The following SPIRE1 variants were observed in gnomAD, a reference collection of about 807,000 sequenced individuals.
SPIRE1 encodes protein spire homolog 1.
In SPIRE1, 40 loss-of-function variants were observed where a neutral mutation model predicts 94.1. That is an observed-to-expected ratio of 0.43 (90% confidence interval 0.33 to 0.55). The LOEUF (loss-of-function observed/expected upper bound fraction) is 0.55, where lower values mean the gene tolerates loss of function less well. SPIRE1 is among the 20% of genes least tolerant of loss of function. The pLI is 0.06. For missense variants in SPIRE1, 838 were observed against 975.2 expected, an observed-to-expected ratio of 0.86 and a Z score of 1.87; for synonymous variants, 376 against 371.7, an observed-to-expected ratio of 1.01 and a Z score of -0.13.
intron 1 of SPIRE1, among the ~76,000 whole-genome samples, chr18:12,649,010 A>G (rs974776867): frequency 1.3e-5 from 2 of 152,106 alleles, no homozygotes; most frequent in Admixed American, 1.3e-4. Context: ...TTTGACAAAT[A>G]TACCACAAGA....
At chr18:12,602,165 T>C (rs1235094100) in intron 2 of SPIRE1, among the ~76,000 whole-genome samples, 3 of 152,286 alleles carry the variant, frequency 2.0e-5, no homozygotes, top group Non-Finnish European at 4.4e-5. Flanking sequence ...AGTTACTTTT[T>C]GTTGCTTGTA....
intron 4 of SPIRE1, among the ~76,000 whole-genome samples, chr18:12,532,449 C>T (rs1035101234): frequency 2.6e-5 from 4 of 152,136 alleles, no homozygotes; most frequent in African/African-American, 9.7e-5. Flanking sequence ...ACTATGCTTC[C>T]ACCCCAATTT....
chr18:12,552,293 A>G (rs188658884), intron 2 of SPIRE1, among the ~76,000 whole-genome samples: 4 of 152,304 alleles, frequency 2.6e-5, no homozygotes, highest in Admixed American at 6.5e-5. Context: ...TACATGACCT[A>G]CTGAGACACC....
In SPIRE1 at chr18:12,453,159, A is replaced by AG. The variant is rs980392603; in HGVS notation, c.1777-22dup. The AG allele has an allele frequency of 8.2e-6, 13 of 1,579,942 alleles. No homozygotes were observed. The Middle Eastern group carries it at 5.0e-4, about 61-fold the overall frequency. On this transcript the variant is annotated intron_variant, in intron 13 of 16. Coordinates refer to ENST00000409402, the MANE Select transcript of SPIRE1 (RefSeq NM_001128626.2). ...CAGAGCTAAAAAATACAAATTTAAG[A>AG]GGAAAAAAAACATTGCCAACAGCAA...
At position 12,483,664 on chromosome 18, in the gene SPIRE1, C is replaced by T. The variant is rs182025348; in HGVS notation, c.1231+2295G>A. Among the ~76,000 whole-genome samples the T allele has an allele frequency of 2.6e-5, 4 of 152,234 alleles. No individual in the cohort carries two copies. The East Asian group carries it at 7.7e-4, about 29-fold the overall frequency. On this transcript the variant is annotated intron_variant, in intron 9 of 16. Transcript: ENST00000409402. ...AGATTTTCACTAAGAATTAATATTT[C>T]TAAGATATACTTAAGCAGCAGAATA...
chr18:12,653,856 G>A (rs558544331), intron 1 of SPIRE1, among the ~76,000 whole-genome samples: 1 of 151,936 alleles, frequency 6.6e-6, no homozygotes, highest in African/African-American at 2.4e-5. Context: ...TGAGGCAGGA[G>A]AATCTCTTGA....
chr18:12,545,577 T>C (rs1489190539), intron 3 of SPIRE1, among the ~76,000 whole-genome samples: 1 of 152,246 alleles, frequency 6.6e-6, no homozygotes, highest in African/African-American at 2.4e-5. Flanking sequence ...ATGGCTAATT[T>C]GACAGATCTG....
chr18:12,481,056 A>C (rs550288882), intron 9 of SPIRE1, among the ~76,000 whole-genome samples: 13 of 152,304 alleles, frequency 8.5e-5, no homozygotes, highest in Non-Finnish European at 1.6e-4. Context: ...GTGGCCCGGC[A>C]TGGTGGCTCA....
intron 10 of SPIRE1, among the ~76,000 whole-genome samples, chr18:12,469,602 ATTT>A (rs1371423121): frequency 6.9e-6 from 1 of 144,790 alleles, no homozygotes; most frequent in Non-Finnish European, 1.5e-5. Context: ...TTATTTATAT[ATTT>A]ATTTATATTT....
Position 12,546,809 on chromosome 18 carries a change from A to C in SPIRE1, c.468T>G (p.Leu156=). The C allele has an allele frequency of 6.2e-7, 1 of 1,614,048 alleles. No homozygotes were observed. The highest frequency in any genetic ancestry group is 1.7e-5 in the Admixed American group (1 of 60,016). ...CCACCGTGTTGGCCATGTGATCGAT[A>C]AGCTGCTCTAGGGGAGGGCTTAATT... ...ERELSPPLEQ[L]IDHMANTVEA... is the part of the protein sequence containing the mutation. The change falls in exon 3 of 17, where the codon CTT becomes CTG. Residue 156 remains leucine (L), a synonymous_variant. Coordinates refer to ENST00000409402, the MANE Select transcript of SPIRE1 (RefSeq NM_001128626.2).
At chr18:12,640,776 G>A (rs1332947215) in intron 1 of SPIRE1, among the ~76,000 whole-genome samples, 2 of 152,124 alleles carry the variant, frequency 1.3e-5, no homozygotes, top group African/African-American at 4.8e-5. Context: ...AGTGTTTGGT[G>A]GATGAGTAAC....
chr18:12,648,877 C>T (rs933834412), intron 1 of SPIRE1, among the ~76,000 whole-genome samples: 4 of 99,954 alleles, frequency 4.0e-5, no homozygotes, highest in Admixed American at 1.6e-4. Context: ...ACAAGAAGAG[C>T]GAAACTCCGT....
chr18:12,552,271 G>A (rs1377670488), intron 2 of SPIRE1, among the ~76,000 whole-genome samples: 1 of 152,164 alleles, frequency 6.6e-6, no homozygotes, highest in African/African-American at 2.4e-5. Context: ...CAGAGCCAGT[G>A]GACTTGTGGG....
intron 2 of SPIRE1, among the ~76,000 whole-genome samples, chr18:12,608,221 T>A (rs9954419): frequency 0.56 from 84,741 of 151,250 alleles, 24,889 homozygotes; most frequent in Middle Eastern, 0.75. Flanking sequence ...ACCCCAAAAA[T>A]TTTTTTTTAA....
intron 2 of SPIRE1, among the ~76,000 whole-genome samples, chr18:12,601,833 C>T (rs995439876): frequency 1.3e-5 from 2 of 152,148 alleles, no homozygotes; most frequent in African/African-American, 2.4e-5. Context: ...TACTCCATGG[C>T]ATGGCTGCAC....
chr18:12,541,463 G>C (rs1272630460), intron 3 of SPIRE1, among the ~76,000 whole-genome samples: 3 of 152,148 alleles, frequency 2.0e-5, no homozygotes, highest in Non-Finnish European at 2.9e-5. Flanking sequence ...GTATTTGTTT[G>C]AATGTTGTTC....
chr18:12,596,463 T>G (rs1188226306), intron 2 of SPIRE1, among the ~76,000 whole-genome samples: 1 of 152,164 alleles, frequency 6.6e-6, no homozygotes, highest in African/African-American at 2.4e-5. Flanking sequence ...TTTGAGTACT[T>G]AAACCTCTAT....
intron 2 of SPIRE1, among the ~76,000 whole-genome samples, chr18:12,554,296 C>CAAA (rs35637714): frequency 1.1e-4 from 6 of 56,328 alleles, no homozygotes; most frequent in Non-Finnish European, 2.3e-4. Flanking sequence ...AGACTCTGTT[C>CAAA]AAAAAAAAAA....
Position 12,559,057 on chromosome 18 carries a change from C to T in SPIRE1, c.373-12153G>A, listed in dbSNP as rs147957864. 8.7e-3 allele frequency among the ~76,000 whole-genome samples: 1,328 copies of T among 152,256 alleles called. 12 individuals carry two copies. Among genetic ancestry groups the T allele is most frequent in the Non-Finnish European group, 0.014 (922 of 67,990 alleles). ...GCACCAGGGCGGCGGGCAGAGGTGCCCGCCAGTCCCGTGCCACGTGCCTGC... is the reference window on the plus strand; with the variant it reads ...GCACCAGGGCGGCGGGCAGAGGTGCTCGCCAGTCCCGTGCCACGTGCCTGC... On this transcript the variant is annotated intron_variant, in intron 2 of 16. Coordinates refer to ENST00000409402, the MANE Select transcript of SPIRE1 (RefSeq NM_001128626.2). This position sits in a 1 kb window ranked among gnomAD's most constrained non-coding sequence, Gnocchi z 4.7.
Sources: gnomAD v4.1 joint callset for allele counts (sites outside exome capture counted in the v4.1 genomes callset) on GRCh38, gnomAD v4.1.1 for gene constraint, Gnocchi (gnomAD v3.1) non-coding constraint, MANE v1.5 for transcripts, NCBI Gene and HGNC (gene_info 2026-07-23, HGNC 2026-07-21) for gene names.